Variants in ERP27 observed in about 807,000 individuals in gnomAD.
ERP27 encodes endoplasmic reticulum protein 27, also known as endoplasmic reticulum resident protein 27.
Under a neutral mutation model 27.7 loss-of-function variants are expected in ERP27, and 23 were observed. The ratio of observed to expected loss-of-function variants is 0.83; its 90% CI spans 0.60 to 1.18. The LOEUF (loss-of-function observed/expected upper bound fraction) is 1.18, where lower values mean the gene tolerates loss of function less well. Ranked by LOEUF, ERP27 falls within the 50% of genes most tolerant of loss-of-function variation. The pLI is 0.00. For missense variants in ERP27, 363 were observed against 327.9 expected (o/e 1.11, Z -0.83); for synonymous variants, 159 against 118.3 (o/e 1.34, Z -2.23).
intron 3 of ERP27, among the ~76,000 whole-genome samples, chr12:14,927,438 C>T (rs1438237872): frequency 6.6e-6 from 1 of 151,784 alleles, no homozygotes; most frequent in Non-Finnish European, 1.5e-5. Context: ...GAGGGCTTAT[C>T]TACTATGATT....
rs750900719 is a variant in ERP27 at position 14,914,759 on chromosome 12, T to C, written c.798A>G (p.Gly266=). 2.5e-6 allele frequency: 4 copies of C among 1,613,892 alleles called. No individual in the cohort carries two copies. Among genetic ancestry groups the C allele is most frequent in the Non-Finnish European group, 3.4e-6 (4 of 1,179,846 alleles). The change falls in exon 7 of 7, where the codon GGA becomes GGG. Residue 266 remains glycine, a synonymous_variant. Coordinates refer to ENST00000266397, the MANE Select transcript of ERP27 (RefSeq NM_152321.4). The part of the protein sequence containing the change: ...KLLKENRESE[G]KTPKVEL The stretch of plus-strand genomic sequence containing the variant: ...GTCAGAGTTCCACCTTTGGAGTCTT[T>C]CCTTCTGATTCACGATTTTCTTTCT...
At chr12:14,919,777 A>G (rs946514765) in intron 4 of ERP27, among the ~76,000 whole-genome samples, 3 of 152,086 alleles carry the variant, frequency 2.0e-5, no homozygotes, top group Admixed American at 6.5e-5. Context: ...ACTCCCATTT[A>G]CTCTACTGTA....
intron 4 of ERP27, among the ~76,000 whole-genome samples, chr12:14,917,654 G>C (rs889319596): frequency 6.6e-6 from 1 of 152,194 alleles, no homozygotes; most frequent in Non-Finnish European, 1.5e-5. Context: ...CACTCAAGCA[G>C]TCCTCTGAGG....
intron 3 of ERP27, among the ~76,000 whole-genome samples, chr12:14,930,050 C>G (rs1430238539): frequency 6.6e-6 from 1 of 151,754 alleles, no homozygotes; most frequent in Non-Finnish European, 1.5e-5. Flanking sequence ...AGCATCAGGA[C>G]AAATAGCTAA....
chr12:14,918,644 C>T (rs1256449676), intron 4 of ERP27, among the ~76,000 whole-genome samples: 1 of 152,160 alleles, frequency 6.6e-6, no homozygotes, highest in South Asian at 2.1e-4. Flanking sequence ...GTTAACAAAT[C>T]TTTGGTCAGA....
chr12:14,928,888 G>A (rs927956913), intron 3 of ERP27: 59 of 1,499,884 alleles, frequency 3.9e-5, no homozygotes, highest in East Asian at 1.5e-4. Context: ...GAAATAAAAT[G>A]AGCACACAAA....
intron 2 of ERP27, 52 bp downstream of exon 2, chr12:14,937,900 C>T: frequency 6.5e-7 from 1 of 1,531,820 alleles, no homozygotes; most frequent in Non-Finnish European, 9.0e-7. Flanking sequence ...CTGTGGTTCC[C>T]TTAAGGTAGA....
intron 3 of ERP27, chr12:14,929,240 G>A (rs1239289016): frequency 2.3e-6 from 2 of 863,020 alleles, no homozygotes; most frequent in African/African-American, 3.4e-5. Flanking sequence ...CTTAAAGAAT[G>A]CACTAAATTG....
At chr12:14,932,942 C>T (rs567788785) in intron 3 of ERP27, among the ~76,000 whole-genome samples, 2 of 152,288 alleles carry the variant, frequency 1.3e-5, no homozygotes, top group South Asian at 4.1e-4. Flanking sequence ...GAGTATAGTG[C>T]TTATGAGGGT....
chr12:14,926,082 G>C (rs972273814), intron 3 of ERP27, among the ~76,000 whole-genome samples: 1 of 149,844 alleles, frequency 6.7e-6, no homozygotes, highest in Non-Finnish European at 1.5e-5. Context: ...AAAAAAAAAA[G>C]GTGTTAAATT....
chr12:14,929,067 G>T, intron 3 of ERP27: 1 of 1,530,362 alleles, frequency 6.5e-7, no homozygotes, highest in Middle Eastern at 1.7e-4. Flanking sequence ...AATGCTTCCT[G>T]ACTATTTTTC....
At chr12:14,932,986 G>C (rs1340742612) in intron 3 of ERP27, among the ~76,000 whole-genome samples, 2 of 152,164 alleles carry the variant, frequency 1.3e-5, no homozygotes, top group Non-Finnish European at 2.9e-5. Flanking sequence ...CATGAGAGAA[G>C]TCCAGACTAG....
rs1015437580 is a variant in ERP27, at chr12:14,934,733, T to C, written c.333+123A>G. ...ATTGAGTCATCATCCTTGTCAACAA[T>C]GTCCCTGAATTTGGTACCATCATTA... is the stretch of plus-strand genomic sequence containing the variant. On this transcript the variant is annotated intron_variant, in intron 3 of 6. Coordinates refer to ENST00000266397, the MANE Select transcript of ERP27 (RefSeq NM_152321.4). 2.5e-6 allele frequency: 3 copies of C among 1,200,992 alleles called. No homozygotes were observed. The African/African-American group carries it at 4.6e-5, about 18-fold the overall frequency. The allele number at this position is 1,200,992 out of a possible 1,614,324, so 74.4% of individuals were successfully genotyped here. A position where few individuals can be genotyped will look rare whatever the true frequency, so the allele number is the denominator to read the frequency against.
intron 2 of ERP27, among the ~76,000 whole-genome samples, chr12:14,935,485 T>C (rs1360432295): frequency 6.6e-6 from 1 of 152,146 alleles, no homozygotes; most frequent in Admixed American, 6.5e-5. Context: ...AAAATAGGAG[T>C]TATATAGTTT....
chr12:14,917,244 C>T lies in ERP27; in HGVS notation c.510G>A (p.Lys170=), dbSNP rs1254738621. The T allele has an allele frequency of 1.2e-6, 2 of 1,614,150 alleles. No homozygotes were observed. The highest frequency in any genetic ancestry group is 1.7e-6 in the Non-Finnish European group (2 of 1,180,012). Residue 170 remains lysine, a synonymous_variant, in exon 5 of 7, where the codon AAG becomes AAA. Coordinates refer to ENST00000266397, the MANE Select transcript of ERP27 (RefSeq NM_152321.4). ...IQIHLLLIMN[K]ASPEYEENMH... is the part of the protein sequence containing the mutation. ...TGTTCTCTTCATACTCTGGGGAGGC[C>T]TTGTTCATTATCAGGAGGAGATGAA...
rs1177773269 is a variant in ERP27 at position 14,938,029 on chromosome 12, G to C, written c.118C>G (p.Pro40Ala). The change falls in exon 2 of 7, where the codon CCC becomes GCC. Residue 40 changes from proline (P) to alanine (A), a missense_variant. Transcript: ENST00000266397. ...SSDGPGAAQE[P>A]TWLTDVPAAM... ...GCTGGGACATCTGTGAGCCACGTGGGTTCCTGGGCAGCACCAGGACCATCT... is the reference window on the plus strand; with the variant it reads ...GCTGGGACATCTGTGAGCCACGTGGCTTCCTGGGCAGCACCAGGACCATCT... 1 of 1,614,100 alleles carries C rather than the reference G, an allele frequency of 6.2e-7. No homozygotes were observed. The highest frequency in any genetic ancestry group is 1.1e-5 in the South Asian group (1 of 91,082).
At chr12:14,936,397 G>A (rs1383052609) in intron 2 of ERP27, among the ~76,000 whole-genome samples, 1 of 152,134 alleles carries the variant, frequency 6.6e-6, no homozygotes, top group Non-Finnish European at 1.5e-5. Flanking sequence ...AGTGATTCCA[G>A]GCCTTCCATA....
chr12:14,934,326 C>T (rs1863741172), intron 3 of ERP27, among the ~76,000 whole-genome samples: 1 of 151,964 alleles, frequency 6.6e-6, no homozygotes, highest in Non-Finnish European at 1.5e-5. Context: ...TAGTGATTCT[C>T]TTTTTATTAT....
At chr12:14,917,582 C>T (rs1029698471) in intron 4 of ERP27, among the ~76,000 whole-genome samples, 2 of 152,158 alleles carry the variant, frequency 1.3e-5, no homozygotes, top group African/African-American at 4.8e-5. Flanking sequence ...TCTTAAAAGA[C>T]ATTATGGTTT....
Sources: allele counts gnomAD v4.1 joint callset (sites outside exome capture counted in the v4.1 genomes callset), GRCh38; gene constraint gnomAD v4.1.1; transcripts MANE v1.5; gene names NCBI Gene and HGNC (gene_info 2026-07-23, HGNC 2026-07-21).